Variants in AAK1 observed in about 807,000 individuals in gnomAD.
AAK1 encodes the protein AP2 associated kinase 1.
Under a neutral mutation model 116.0 loss-of-function variants are expected in AAK1, and 37 were observed. The observed-to-expected ratio is 0.32, with a 90% CI of 0.25 to 0.42. AAK1 has a LOEUF of 0.42. AAK1 is among the 10% of genes least tolerant of loss of function. AAK1 has a pLI of 1.00. For synonymous variants in AAK1, 458 were observed against 439.9 expected (o/e 1.04, Z -0.51); for missense variants, 919 against 1,170.6 (o/e 0.79, Z 3.14).
chr2:69,531,598 C>T lies in AAK1; in HGVS notation c.656+443G>A, dbSNP rs993862860. On this transcript the variant is annotated intron_variant, in intron 6 of 21. Transcript: ENST00000409085. The stretch of plus-strand genomic sequence containing the variant: ...TCTGCAGAGACTTTAATAACCTACT[C>T]ACCATTATTTCCACTTAGATCGCCT... The T allele has an allele frequency of 1.6e-5, 16 of 988,008 alleles. No individual in the cohort carries two copies. The African/African-American group carries it at 2.6e-4, about 16-fold the overall frequency. 61.2% of individuals were successfully genotyped at this position (988,008 alleles called of 1,614,324 possible). A position where few individuals can be genotyped will look rare whatever the true frequency, so the allele number is the denominator to read the frequency against.
intron 17 of AAK1, among the ~76,000 whole-genome samples, chr2:69,491,286 T>C (rs1219401987): frequency 1.3e-5 from 2 of 152,054 alleles, no homozygotes; most frequent in Admixed American, 1.3e-4. Context: ...TTATAGCTTA[T>C]CTGTTTCCTA....
Position 69,514,730 on chromosome 2 carries a change from G to A in AAK1, c.1517C>T (p.Ala506Val). Residue 506 changes from alanine to valine, a missense_variant, in exon 13 of 22, where the codon GCA becomes GTA. This residue lies in a region of AAK1 where 214 missense variants were observed against 210.6 expected (regional missense o/e 1.02). Transcript: ENST00000409085. ...CTGAGCAATTGCTGGTTTCTGGGTT[G>A]CTGGATGTACTGCCTGAAACTGAGC... ...QTQQFQAVHP[A>V]TQKPAIAQFP... The A allele has an allele frequency of 6.2e-7, 1 of 1,601,878 alleles. No individual in the cohort carries two copies.
Position 69,471,172 on chromosome 2 carries a change from AT to A in AAK1, c.*4696del. The A allele has an allele frequency of 2.0e-6, 2 of 985,540 alleles. No homozygotes were observed. The highest frequency in any genetic ancestry group is 2.4e-6 in the Non-Finnish European group (2 of 829,932). The allele number at this position is 985,540 out of a possible 1,614,324, so 61.0% of individuals were successfully genotyped here. A position where few individuals can be genotyped will look rare whatever the true frequency, so the allele number is the denominator to read the frequency against. On this transcript the variant is annotated 3_prime_UTR_variant, in exon 22 of 22. Coordinates refer to ENST00000409085, the MANE Select transcript of AAK1 (RefSeq NM_014911.5). Reference sequence around the variant, plus strand: ...TAGAATACTCACAGGAAAAGAGTAAATTCAGGTCACTACATCAAAGTGTGAA... The same window carrying A: ...TAGAATACTCACAGGAAAAGAGTAAATCAGGTCACTACATCAAAGTGTGAA...
intron 17 of AAK1, among the ~76,000 whole-genome samples, chr2:69,490,205 A>G (rs900133330): frequency 6.6e-6 from 1 of 152,334 alleles, no homozygotes; most frequent in East Asian, 1.9e-4. Flanking sequence ...ATCCTTGGGC[A>G]TTGTTGGTGG....
At chr2:69,533,337 C>A (rs1289331586) in intron 5 of AAK1, among the ~76,000 whole-genome samples, 1 of 152,082 alleles carries the variant, frequency 6.6e-6, no homozygotes, top group African/African-American at 2.4e-5. Flanking sequence ...TGTGTGCAAA[C>A]CTGGTGTGTC....
Position 69,465,799 on chromosome 2 carries a change from G to A in AAK1, c.*10070C>T, listed in dbSNP as rs1175840791. Reference sequence around the variant, plus strand: ...TCTGCTGCTTGTACAGAATGGGACAGGAGGTTAGACTGTTGCACAAAACCA... The same window carrying A: ...TCTGCTGCTTGTACAGAATGGGACAAGAGGTTAGACTGTTGCACAAAACCA... On this transcript the variant is annotated 3_prime_UTR_variant, in exon 22 of 22. Coordinates refer to ENST00000409085, the MANE Select transcript of AAK1 (RefSeq NM_014911.5). 1 of 1,290,868 alleles carries A rather than the reference G, an allele frequency of 7.7e-7. No individual in the cohort carries two copies. The highest frequency in any genetic ancestry group is 1.0e-6 in the Non-Finnish European group (1 of 988,876). 80.0% of individuals were successfully genotyped at this position (1,290,868 alleles called of 1,614,324 possible). A position where few individuals can be genotyped will look rare whatever the true frequency, so the allele number is the denominator to read the frequency against.
In AAK1 at chr2:69,491,372, C is replaced by T. The variant is rs181357071; in HGVS notation, c.2365+4613G>A. Among the ~76,000 whole-genome samples, 433 of 152,298 alleles carry T rather than the reference C, an allele frequency of 2.8e-3. 3 individuals carry two copies. Among genetic ancestry groups the T allele is most frequent in the Non-Finnish European group, 3.6e-3 (246 of 68,028 alleles). ...AATACTCTGAGACTCACTAGCCATG[C>T]ATCATTTGGCAGCTTTGTAAGCATA... On this transcript the variant is annotated intron_variant, in intron 17 of 21. Coordinates refer to ENST00000409085, the MANE Select transcript of AAK1 (RefSeq NM_014911.5).
chr2:69,527,372 G>C, intron 8 of AAK1, 53 bp from the exon 9 acceptor site: 2 of 1,207,472 alleles, frequency 1.7e-6, no homozygotes, highest in South Asian at 1.3e-5. Context: ...TATTACACTA[G>C]CTAGGAAGCA....
intron 17 of AAK1, among the ~76,000 whole-genome samples, chr2:69,490,100 G>C (rs1235310565): frequency 3.3e-5 from 5 of 152,116 alleles, no homozygotes; most frequent in African/African-American, 1.2e-4. Flanking sequence ...TTAATTCTAA[G>C]AAGCAGCACT....
Position 69,467,736 on chromosome 2 carries a change from A to T in AAK1, c.*8133T>A. The T allele has an allele frequency of 1.0e-6, 1 of 985,462 alleles. No individual in the cohort carries two copies. Among genetic ancestry groups the T allele is most frequent in the Non-Finnish European group, 1.2e-6 (1 of 829,934 alleles). 61.0% of individuals were successfully genotyped at this position (985,462 alleles called of 1,614,324 possible). A position where few individuals can be genotyped will look rare whatever the true frequency, so the allele number is the denominator to read the frequency against. On this transcript the variant is annotated 3_prime_UTR_variant, in exon 22 of 22. Transcript: ENST00000409085. ...CTAGCAGAAATTTCTGCCAAAAATT[A>T]TCCCCTGCTAAAGTTTCTGCATGAA... is the stretch of plus-strand genomic sequence containing the variant.
At chr2:69,614,181 T>A (rs1415588996) in intron 2 of AAK1, among the ~76,000 whole-genome samples, 1 of 152,096 alleles carries the variant, frequency 6.6e-6, no homozygotes, top group Admixed American at 6.5e-5. Flanking sequence ...AAGGTTAAAA[T>A]TAGTAAAATG....
At chr2:69,511,109 G>A (rs1222471993) in intron 13 of AAK1, among the ~76,000 whole-genome samples, 2 of 152,126 alleles carry the variant, frequency 1.3e-5, no homozygotes, top group Admixed American at 6.5e-5. Context: ...GATATAAAAT[G>A]CCCCAGGTAT....
At chr2:69,597,140 C>T (rs959443723) in intron 2 of AAK1, among the ~76,000 whole-genome samples, 2 of 151,994 alleles carry the variant, frequency 1.3e-5, no homozygotes, top group Non-Finnish European at 2.9e-5. Flanking sequence ...TGAAATTCTA[C>T]AGGTGTGTGT....
intron 2 of AAK1, among the ~76,000 whole-genome samples, chr2:69,557,437 G>A (rs1483207328): frequency 6.6e-6 from 1 of 151,902 alleles, no homozygotes; most frequent in African/African-American, 2.4e-5. Context: ...GAGTAGCTGG[G>A]ATTACAGGTG....
In AAK1 at chr2:69,480,882, TTCCG is replaced by T; in HGVS notation, c.2543_2546del (p.Thr848AsnfsTer3). 6.2e-7 allele frequency: 1 copy of T among 1,603,302 alleles called. No individual in the cohort carries two copies. The highest frequency in any genetic ancestry group is 8.5e-7 in the Non-Finnish European group (1 of 1,175,496). ...GACCTGTGCGATTCGAGGTCACAGA[TTCCG>T]TCTGAGATGGGAGGCGCTGGGGAAC... On this transcript the variant is annotated frameshift_variant, in exon 19 of 22. Transcript: ENST00000409085. LOFTEE classifies it high-confidence loss of function.
rs2104982340 is a variant in AAK1, at chr2:69,514,753, A to G, written c.1498-4T>C. 3 of 1,576,474 alleles carry G rather than the reference A, an allele frequency of 1.9e-6. No homozygotes were observed. Among genetic ancestry groups the G allele is most frequent in the Non-Finnish European group, 1.7e-6 (2 of 1,159,656 alleles). On this transcript the variant is annotated splice_polypyrimidine_tract_variant and splice_region_variant and intron_variant, in intron 12 of 21. Coordinates refer to ENST00000409085, the MANE Select transcript of AAK1 (RefSeq NM_014911.5). Reference sequence around the variant, plus strand: ...TTGCTGGATGTACTGCCTGAAACTGAGCAAGAAATGAGGAGATGAATAAGG... The same window carrying G: ...TTGCTGGATGTACTGCCTGAAACTGGGCAAGAAATGAGGAGATGAATAAGG...
rs35285785 is a variant in AAK1, at chr2:69,505,665, G to T, written c.2173C>A (p.Pro725Thr). The change falls in exon 16 of 22, where the codon CCC becomes ACC. Residue 725 changes from proline (P) to threonine (T), a missense_variant. By Grantham distance (38) the Pro-to-Thr change is conservative (BLOSUM62 -1). This residue lies in a region of AAK1 where 263 missense variants were observed against 285.5 expected (regional missense o/e 0.92). Transcript: ENST00000409085. ...DFAKLGEGKH[P>T]EKLGGSAESL... The stretch of plus-strand genomic sequence containing the variant: ...TCAGCTGAGCCTCCAAGCTTCTCGG[G>T]ATGTTTGCCTGGAGAGACAAAACAC... 1,473 of 1,613,310 alleles carry T rather than the reference G, an allele frequency of 9.1e-4. 1 individual carries two copies. Among genetic ancestry groups the T allele is most frequent in the Non-Finnish European group, 1.2e-3 (1,389 of 1,179,516 alleles).
intron 2 of AAK1, among the ~76,000 whole-genome samples, chr2:69,587,859 A>G (rs985926040): frequency 2.0e-5 from 3 of 151,732 alleles, no homozygotes; most frequent in Admixed American, 6.6e-5. Context: ...TGATCTTCCT[A>G]CCTTGGCCTC....
At chr2:69,512,221 T>C (rs898396360) in intron 13 of AAK1, among the ~76,000 whole-genome samples, 1 of 152,180 alleles carries the variant, frequency 6.6e-6, no homozygotes, top group Non-Finnish European at 1.5e-5. Context: ...AATGTAATTA[T>C]AAAAGGAGTA....
Sources: allele counts gnomAD v4.1 joint callset (sites outside exome capture counted in the v4.1 genomes callset), GRCh38; gene constraint gnomAD v4.1.1; regional missense constraint gnomAD v4.1.1; transcripts MANE v1.5; gene names NCBI Gene and HGNC (gene_info 2026-07-23, HGNC 2026-07-21).